PARP8: variants seen among roughly 807,000 people sequenced by gnomAD.
The protein encoded by PARP8 is poly(ADP-ribose) polymerase family member 8.
Under a neutral mutation model 124.1 loss-of-function variants are expected in PARP8, and 51 were observed. The ratio of observed to expected loss-of-function variants is 0.41; its 90% CI spans 0.33 to 0.52. The LOEUF is 0.52. Ranked by LOEUF, PARP8 falls within the 20% of genes least tolerant of loss-of-function variation. PARP8 has a pLI of 0.21. For missense variants in PARP8, 860 were observed against 1,018.9 expected (o/e 0.84, Z 2.12); for synonymous variants, 391 against 361.5 (o/e 1.08, Z -0.93).
intron 15 of PARP8, among the ~76,000 whole-genome samples, chr5:50,815,910 A>G (rs1344484491): frequency 1.3e-5 from 2 of 152,212 alleles, no homozygotes; most frequent in Non-Finnish European, 2.9e-5. Context: ...TAGGCAGAGT[A>G]TGTAATAAAA....
chr5:50,791,687 A>G (rs1035617308), intron 10 of PARP8, among the ~76,000 whole-genome samples: 8 of 149,810 alleles, frequency 5.3e-5, no homozygotes, highest in Non-Finnish European at 1.2e-4. Flanking sequence ...ATAATCTTCG[A>G]CTTTTGTATG....
intron 25 of PARP8, among the ~76,000 whole-genome samples, chr5:50,841,363 T>C (rs1442292336): frequency 1.3e-5 from 2 of 151,858 alleles, no homozygotes; most frequent in African/African-American, 4.8e-5. Context: ...TAGTATTATA[T>C]TTTCCCTTCT....
At position 50,788,597 on chromosome 5, in the gene PARP8, T is replaced by C. The variant is rs1420952282; in HGVS notation, c.737+8T>C. ...GGGACATCAGCTGAAAAAGTAAGTT[T>C]GCTAAAGTGCAAAAAATAAATTTCT... On this transcript the variant is annotated splice_region_variant and intron_variant, in intron 10 of 25. Transcript: ENST00000281631. The C allele has an allele frequency of 6.2e-7, 1 of 1,606,856 alleles. No individual in the cohort carries two copies. Among genetic ancestry groups the C allele is most frequent in the Non-Finnish European group, 8.5e-7 (1 of 1,174,416 alleles).
At chr5:50,678,370 G>T (rs1211725026) in intron 2 of PARP8, among the ~76,000 whole-genome samples, 1 of 152,088 alleles carries the variant, frequency 6.6e-6, no homozygotes, top group African/African-American at 2.4e-5. Context: ...CACATAACAT[G>T]TACATACCTG....
At chr5:50,703,994 A>G (rs1753866882) in intron 2 of PARP8, among the ~76,000 whole-genome samples, 1 of 152,150 alleles carries the variant, frequency 6.6e-6, no homozygotes, top group African/African-American at 2.4e-5. Flanking sequence ...ATAAAATTCA[A>G]TTGATTACTT....
chr5:50,797,958 C>T (rs1742744227), intron 14 of PARP8, among the ~76,000 whole-genome samples: 1 of 152,082 alleles, frequency 6.6e-6, no homozygotes, highest in African/African-American at 2.4e-5. Context: ...TGTTACCAGT[C>T]ACTCCCAATT....
At chr5:50,705,434 A>G (rs967816572) in intron 2 of PARP8, among the ~76,000 whole-genome samples, 1 of 152,172 alleles carries the variant, frequency 6.6e-6, no homozygotes, top group Admixed American at 6.5e-5. Context: ...AGGTGGTAAA[A>G]TAAGAAGATA....
At chr5:50,703,617 T>C (rs138981615) in intron 2 of PARP8, among the ~76,000 whole-genome samples, 1 of 152,278 alleles carries the variant, frequency 6.6e-6, no homozygotes, top group Non-Finnish European at 1.5e-5. Flanking sequence ...AATCCCCTGA[T>C]CTCAGTGAAT....
intron 2 of PARP8, among the ~76,000 whole-genome samples, chr5:50,672,961 A>G (rs1750207362): frequency 6.6e-6 from 1 of 152,202 alleles, no homozygotes; most frequent in Non-Finnish European, 1.5e-5. Context: ...TGGCATATAC[A>G]GTTACTTTGA....
chr5:50,804,313 T>C (rs1272621723), intron 14 of PARP8, among the ~76,000 whole-genome samples: 1 of 152,176 alleles, frequency 6.6e-6, no homozygotes, highest in Admixed American at 6.6e-5. Context: ...CAGAGAACTA[T>C]CAGACAGCTA....
chr5:50,839,826 T>TA lies in PARP8; in HGVS notation c.2463-2138dup, dbSNP rs1337115085. On this transcript the variant is annotated intron_variant, in intron 25 of 25. Coordinates refer to ENST00000281631, the MANE Select transcript of PARP8 (RefSeq NM_024615.4). ...TTCTCCACTAACTTCTAATGCTTTT[T>TA]AAGTGTCAGGGTACATATAATATTT... 2.0e-5 allele frequency among the ~76,000 whole-genome samples: 3 copies of TA among 151,932 alleles called. No individual in the cohort carries two copies. In the East Asian group the frequency reaches 5.8e-4, roughly 29 times the overall value.
rs577405276 is a variant in PARP8 at position 50,821,100 on chromosome 5, G to A, written c.1669-113G>A. 1.6e-5 allele frequency: 19 copies of A among 1,212,882 alleles called. No homozygotes were observed. In the African/African-American group the frequency reaches 2.7e-4, roughly 17 times the overall value. The allele number at this position is 1,212,882 out of a possible 1,614,324, so 75.1% of individuals were successfully genotyped here. ...TCTTGCATTACACATTTGAGAGATT[G>A]GTAGCAGTCCTGATCTTCCTCATTA... On this transcript the variant is annotated intron_variant, in intron 15 of 25. Coordinates refer to ENST00000281631, the MANE Select transcript of PARP8 (RefSeq NM_024615.4).
Position 50,831,381 on chromosome 5 carries a change from T to C in PARP8, c.2234-1400T>C, listed in dbSNP as rs538307008. On this transcript the variant is annotated intron_variant, in intron 22 of 25. Transcript: ENST00000281631. ...CGCTCAGCTGATGGATGGGCTGCGC[T>C]GGCAGGCCTGAGACAGCCTGACTCA... is the stretch of plus-strand genomic sequence containing the variant. Among the ~76,000 whole-genome samples, 4 of 152,226 alleles carry C rather than the reference T, an allele frequency of 2.6e-5. No homozygotes were observed. The East Asian group carries it at 7.7e-4, about 29-fold the overall frequency.
chr5:50,741,898 C>T (rs1561314064), intron 2 of PARP8: 1 of 439,974 alleles, frequency 2.3e-6, no homozygotes, highest in Non-Finnish European at 4.5e-6. Flanking sequence ...CAACCTCCGC[C>T]TCCCAGGTTC....
At chr5:50,689,460 T>C (rs1752255782) in intron 2 of PARP8, among the ~76,000 whole-genome samples, 2 of 152,186 alleles carry the variant, frequency 1.3e-5, no homozygotes, top group Admixed American at 1.3e-4. Flanking sequence ...ATCTTGTATG[T>C]ACATTATCTG....
intron 2 of PARP8, among the ~76,000 whole-genome samples, chr5:50,707,818 T>C (rs2149484484): frequency 6.6e-6 from 1 of 152,214 alleles, no homozygotes; most frequent in East Asian, 1.9e-4. Context: ...ATCAACCTTA[T>C]TTAACGTATT....
At chr5:50,745,037 G>A (rs1029507918) in intron 2 of PARP8, 4 of 340,398 alleles carry the variant, frequency 1.2e-5, no homozygotes, top group Non-Finnish European at 2.1e-5. Flanking sequence ...AACTCTGCAA[G>A]TCACAAAGTG....
intron 14 of PARP8, among the ~76,000 whole-genome samples, chr5:50,809,468 CTA>C (rs1744205967): frequency 6.6e-6 from 1 of 151,984 alleles, no homozygotes; most frequent in African/African-American, 2.4e-5. Context: ...TCAAAGAAAA[CTA>C]TTTTTTATTA....
chr5:50,798,781 A>T (rs1393686268), intron 14 of PARP8, among the ~76,000 whole-genome samples: 1 of 152,160 alleles, frequency 6.6e-6, no homozygotes, highest in Non-Finnish European at 1.5e-5. Flanking sequence ...CACTTCCCTG[A>T]TGACTGACTA....
Sources: allele counts gnomAD v4.1 joint callset (sites outside exome capture counted in the v4.1 genomes callset), GRCh38; gene constraint gnomAD v4.1.1; transcripts MANE v1.5; gene names NCBI Gene and HGNC (gene_info 2026-07-23, HGNC 2026-07-21).